Variants in SCFD2 observed in about 807,000 individuals in gnomAD.
The protein encoded by SCFD2 is sec1 family domain containing 2, also known as sec1 family domain-containing protein 2.
A neutral mutation model predicts 58.9 loss-of-function variants in SCFD2; 54 were observed. The ratio of observed to expected loss-of-function variants is 0.92; its 90% CI spans 0.74 to 1.15. The LOEUF (loss-of-function observed/expected upper bound fraction) is 1.15. Among genes scored for constraint, SCFD2 ranks in the 50% most tolerant of loss-of-function variants. The probability of loss-of-function intolerance (pLI) is 0.00; values close to 1 mark genes in which losing one functional copy is unlikely to be tolerated. For missense variants in SCFD2, 805 were observed against 836.6 expected, an observed-to-expected ratio of 0.96 and a Z score of 0.47; for synonymous variants, 321 against 335.9, an observed-to-expected ratio of 0.96 and a Z score of 0.49.
At chr4:53,013,838 G>A (rs1179592275) in intron 5 of SCFD2, among the ~76,000 whole-genome samples, 7 of 151,954 alleles carry the variant, frequency 4.6e-5, no homozygotes. Flanking sequence ...ACCACTGAAG[G>A]AAAGGTATTA....
At chr4:53,300,828 G>A (rs1051922833) in intron 3 of SCFD2, among the ~76,000 whole-genome samples, 3 of 152,138 alleles carry the variant, frequency 2.0e-5, no homozygotes, top group Non-Finnish European at 4.4e-5. Flanking sequence ...TGGAAACTGA[G>A]CAAGCTGCTC....
chr4:53,136,266 C>T (rs1048941903), intron 5 of SCFD2, among the ~76,000 whole-genome samples: 1 of 152,132 alleles, frequency 6.6e-6, no homozygotes, highest in Non-Finnish European at 1.5e-5. Context: ...TTAGTCCTAT[C>T]CCCTCATTGA....
At chr4:52,982,840 C>G (rs1721405789) in intron 5 of SCFD2, among the ~76,000 whole-genome samples, 1 of 152,092 alleles carries the variant, frequency 6.6e-6, no homozygotes, top group Admixed American at 6.6e-5. Context: ...AAATAAAAAC[C>G]TTTATCTATA....
intron 5 of SCFD2, among the ~76,000 whole-genome samples, chr4:53,104,351 C>T (rs1299400320): frequency 1.3e-5 from 2 of 152,170 alleles, no homozygotes; most frequent in Admixed American, 6.5e-5. Flanking sequence ...AAACATCAGA[C>T]TCATCCCAGC....
At chr4:53,181,521 T>C (rs1241313367) in intron 4 of SCFD2, among the ~76,000 whole-genome samples, 1 of 152,148 alleles carries the variant, frequency 6.6e-6, no homozygotes, top group East Asian at 1.9e-4. Context: ...TGATAAGAGC[T>C]ATCTATAACA....
chr4:53,035,595 C>T (rs995521344), intron 5 of SCFD2, among the ~76,000 whole-genome samples: 9 of 152,146 alleles, frequency 5.9e-5, no homozygotes, highest in African/African-American at 2.2e-4. Flanking sequence ...GGGCTAATAT[C>T]CAGAATCTAC....
chr4:53,060,476 G>T (rs1723478593), intron 5 of SCFD2, among the ~76,000 whole-genome samples: 1 of 152,074 alleles, frequency 6.6e-6, no homozygotes, highest in South Asian at 2.1e-4. Flanking sequence ...TACTGCAAAG[G>T]TTCTCAAAGT....
intron 5 of SCFD2, among the ~76,000 whole-genome samples, chr4:53,109,231 C>T (rs1725096188): frequency 1.3e-5 from 2 of 152,108 alleles, no homozygotes; most frequent in Admixed American, 1.3e-4. Flanking sequence ...ATAATGAGAG[C>T]TATCTATGAC....
intron 4 of SCFD2, among the ~76,000 whole-genome samples, chr4:53,197,872 T>TA (rs900801739): frequency 3.3e-5 from 5 of 151,482 alleles, no homozygotes; most frequent in Non-Finnish European, 7.4e-5. Flanking sequence ...AAATATGGGG[T>TA]AAAAAAATAT....
chr4:53,215,063 G>C (rs1013183183), intron 4 of SCFD2, among the ~76,000 whole-genome samples: 12 of 152,114 alleles, frequency 7.9e-5, no homozygotes, highest in African/African-American at 2.9e-4. Context: ...TAGCCTTGTA[G>C]TATAGTTTGA....
chr4:53,141,297 AG>A (rs1726156260), intron 5 of SCFD2, among the ~76,000 whole-genome samples: 1 of 152,210 alleles, frequency 6.6e-6, no homozygotes, highest in Non-Finnish European at 1.5e-5. Flanking sequence ...ATAGAGAAAT[AG>A]GGTCAAAAAG....
intron 4 of SCFD2, among the ~76,000 whole-genome samples, chr4:53,208,696 A>G (rs1728513540): frequency 6.6e-6 from 1 of 152,218 alleles, no homozygotes; most frequent in Non-Finnish European, 1.5e-5. Flanking sequence ...AAAGCAATGG[A>G]AGCATATACA....
Position 53,247,022 on chromosome 4 carries a change from A to T in SCFD2, c.1311+26804T>A, listed in dbSNP as rs560507004. On this transcript the variant is annotated intron_variant, in intron 4 of 8. Coordinates refer to ENST00000401642, the MANE Select transcript of SCFD2 (RefSeq NM_152540.4). ...AAAAAAAAAAAAAAAACTCCAAACA[A>T]CACCATTAAAAATTAAGTGGGCAAA... Among the ~76,000 whole-genome samples the T allele has an allele frequency of 2.0e-5, 3 of 151,914 alleles. No individual in the cohort carries two copies. The East Asian group carries it at 5.8e-4, about 29-fold the overall frequency.
intron 5 of SCFD2, among the ~76,000 whole-genome samples, chr4:52,943,341 A>G (rs1720340668): frequency 6.6e-6 from 1 of 152,188 alleles, no homozygotes; most frequent in Non-Finnish European, 1.5e-5. Context: ...CTATAACAGA[A>G]TATTTCAGAC....
chr4:53,258,577 TACACAC>T (rs1553893403), intron 4 of SCFD2, among the ~76,000 whole-genome samples: 25 of 121,262 alleles, frequency 2.1e-4, no homozygotes, highest in African/African-American at 3.5e-4. Context: ...TATATATATA[TACACAC>T]ACATATATAC....
intron 5 of SCFD2, among the ~76,000 whole-genome samples, chr4:52,926,813 C>A (rs1328500117): frequency 6.6e-6 from 1 of 152,154 alleles, no homozygotes; most frequent in Non-Finnish European, 1.5e-5. Flanking sequence ...TGTGACACAG[C>A]CAGAGAGGGC....
chr4:53,098,786 T>C (rs1386259095), intron 5 of SCFD2, among the ~76,000 whole-genome samples: 4 of 152,106 alleles, frequency 2.6e-5, no homozygotes, highest in East Asian at 3.8e-4. Context: ...TTAATGACTA[T>C]ATGATTACTC....
intron 5 of SCFD2, among the ~76,000 whole-genome samples, chr4:52,974,200 C>T (rs942567594): frequency 2.0e-5 from 3 of 151,984 alleles, no homozygotes; most frequent in Admixed American, 1.3e-4. Flanking sequence ...AAATAAAGGG[C>T]ATTCAATTAG....
chr4:53,154,880 T>C (rs1176141238), intron 4 of SCFD2, among the ~76,000 whole-genome samples: 2 of 152,172 alleles, frequency 1.3e-5, no homozygotes, highest in African/African-American at 2.4e-5. Context: ...TCAACATTTA[T>C]GGCTTTGAAG....
Sources: allele counts gnomAD v4.1 joint callset (sites outside exome capture counted in the v4.1 genomes callset), GRCh38; gene constraint gnomAD v4.1.1; transcripts MANE v1.5; gene names NCBI Gene and HGNC (gene_info 2026-07-23, HGNC 2026-07-21).